TAFA1: variants seen among roughly 807,000 people sequenced by gnomAD.
The protein encoded by TAFA1 is chemokine-like protein TAFA-1.
Under a neutral mutation model 18.5 loss-of-function variants are expected in TAFA1, and 4 were observed. That is an observed-to-expected ratio of 0.22 (90% CI 0.11 to 0.49). The LOEUF (loss-of-function observed/expected upper bound fraction) is 0.49. Among genes scored for constraint, TAFA1 ranks in the 20% least tolerant of loss-of-function variants. The pLI is 0.98. For missense variants in TAFA1, 147 were observed against 169.0 expected (o/e 0.87, Z 0.72); for synonymous variants, 56 against 55.2 (o/e 1.01, Z -0.06).
At chr3:68,120,370 C>A (rs148809631) in intron 2 of TAFA1, among the ~76,000 whole-genome samples, 1 of 152,044 alleles carries the variant, frequency 6.6e-6, no homozygotes, top group Non-Finnish European at 1.5e-5. Context: ...ATGCCTCAGC[C>A]TCCAGGTAGT....
chr3:68,370,280 C>G (rs1477889605), intron 2 of TAFA1, among the ~76,000 whole-genome samples: 1 of 44,498 alleles, frequency 2.2e-5, no homozygotes, highest in Non-Finnish European at 3.7e-5. Flanking sequence ...AAGGGAGACC[C>G]CATCTCAAAA....
chr3:68,190,019 A>G (rs192784430), intron 2 of TAFA1, among the ~76,000 whole-genome samples: 1 of 152,046 alleles, frequency 6.6e-6, no homozygotes, highest in East Asian at 1.9e-4. Flanking sequence ...ATATCAAGCT[A>G]CTGTGGTTGA....
intron 2 of TAFA1, among the ~76,000 whole-genome samples, chr3:68,341,000 T>G (rs2069072952): frequency 6.6e-6 from 1 of 152,150 alleles, no homozygotes; most frequent in Non-Finnish European, 1.5e-5. Flanking sequence ...GGTAAGATGT[T>G]GATGTCTAAA....
chr3:68,197,512 G>A (rs930871814), intron 2 of TAFA1, among the ~76,000 whole-genome samples: 3 of 151,472 alleles, frequency 2.0e-5, no homozygotes, highest in Admixed American at 6.6e-5. Context: ...TCAGGACCAC[G>A]GTGGCTTTAT....
At chr3:68,497,564 G>A (rs2106696767) in intron 3 of TAFA1, among the ~76,000 whole-genome samples, 1 of 152,212 alleles carries the variant, frequency 6.6e-6, no homozygotes, top group Middle Eastern at 3.4e-3. Context: ...AGAAGAATCA[G>A]CCTGAGCAAA....
At chr3:68,100,007 G>A (rs1352711817) in intron 2 of TAFA1, among the ~76,000 whole-genome samples, 1 of 152,054 alleles carries the variant, frequency 6.6e-6, no homozygotes, top group Non-Finnish European at 1.5e-5. Context: ...GAAAGGGGAG[G>A]GAGGGAGAGG....
intron 2 of TAFA1, among the ~76,000 whole-genome samples, chr3:68,402,013 G>A (rs2070503244): frequency 6.6e-6 from 1 of 152,134 alleles, no homozygotes; most frequent in Non-Finnish European, 1.5e-5. Flanking sequence ...TTTTAAAAGT[G>A]TTTCTTATTA....
At chr3:68,113,158 T>A (rs1457168454) in intron 2 of TAFA1, among the ~76,000 whole-genome samples, 1 of 152,190 alleles carries the variant, frequency 6.6e-6, no homozygotes, top group Non-Finnish European at 1.5e-5. Context: ...TCGCACCAGA[T>A]CCCAAGATTT....
At chr3:68,135,558 C>T (rs1014674953) in intron 2 of TAFA1, among the ~76,000 whole-genome samples, 1 of 152,230 alleles carries the variant, frequency 6.6e-6, no homozygotes, top group African/African-American at 2.4e-5. Context: ...CTCCAAGCCT[C>T]TATTTTCTTG....
intron 2 of TAFA1, among the ~76,000 whole-genome samples, chr3:68,009,481 TA>T (rs1315986870): frequency 6.6e-6 from 1 of 152,200 alleles, no homozygotes; most frequent in Non-Finnish European, 1.5e-5. Context: ...GTGCGTCAAA[TA>T]CCCCAAGAAA....
chr3:68,241,087 C>G (rs2066992054), intron 2 of TAFA1, among the ~76,000 whole-genome samples: 1 of 152,040 alleles, frequency 6.6e-6, no homozygotes, highest in Non-Finnish European at 1.5e-5. Flanking sequence ...CCTATTTAAA[C>G]TAAAGAATGA....
At chr3:68,215,716 A>C (rs73095494) in intron 2 of TAFA1, among the ~76,000 whole-genome samples, 21,342 of 152,044 alleles carry the variant, frequency 0.14, 1,645 homozygotes, top group Admixed American at 0.22. Context: ...GATGGAAATA[A>C]AGAATGGTAT....
intron 2 of TAFA1, among the ~76,000 whole-genome samples, chr3:68,385,459 A>G (rs1231051183): frequency 6.6e-6 from 1 of 152,104 alleles, no homozygotes; most frequent in Non-Finnish European, 1.5e-5. Flanking sequence ...CTTGGTTTTC[A>G]TCGTATTAGC....
In TAFA1 at chr3:68,031,937, C is replaced by A. The variant is rs756948832; in HGVS notation, c.118+25193C>A. On this transcript the variant is annotated intron_variant, in intron 2 of 4. Transcript: ENST00000478136. ...TTTAATAGTTAATCTGTAAATTATACGGATTTGAATCTTCTTATAGTTTTT... is the reference window on the plus strand; with the variant it reads ...TTTAATAGTTAATCTGTAAATTATAAGGATTTGAATCTTCTTATAGTTTTT... Among the ~76,000 whole-genome samples the A allele has an allele frequency of 3.3e-5, 5 of 152,096 alleles. 1 individual carries two copies. The highest frequency in any genetic ancestry group is 7.4e-5 in the Non-Finnish European group (5 of 68,004).
At chr3:68,387,785 T>A (rs919825094) in intron 2 of TAFA1, among the ~76,000 whole-genome samples, 2 of 152,160 alleles carry the variant, frequency 1.3e-5, no homozygotes, top group African/African-American at 4.8e-5. Context: ...AAAACTGTTT[T>A]TCCCCCTTCA....
At position 68,074,373 on chromosome 3, in the gene TAFA1, C is replaced by G. The variant is rs545647278; in HGVS notation, c.118+67629C>G. On this transcript the variant is annotated intron_variant, in intron 2 of 4. Coordinates refer to ENST00000478136, the MANE Select transcript of TAFA1 (RefSeq NM_213609.4). ...GTGGTCTGGGGATTGGGAACCCCTG[C>G]CTTAGAGGCTGTATAGAAGCTTAAC... Among the ~76,000 whole-genome samples, 546 of 152,228 alleles carry G rather than the reference C, an allele frequency of 3.6e-3. 1 individual carries two copies. The highest frequency in any genetic ancestry group is 0.012 in the African/African-American group (500 of 41,548).
chr3:68,478,959 G>A, intron 3 of TAFA1, among the ~76,000 whole-genome samples: 1 of 149,802 alleles, frequency 6.7e-6, no homozygotes, highest in East Asian at 2.0e-4. Context: ...TGTAGGCCAG[G>A]CGCAGTGGCT....
intron 2 of TAFA1, among the ~76,000 whole-genome samples, chr3:68,197,514 T>G (rs902010626): frequency 6.6e-6 from 1 of 151,608 alleles, no homozygotes; most frequent in Non-Finnish European, 1.5e-5. Context: ...AGGACCACGG[T>G]GGCTTTATTC....
intron 2 of TAFA1, among the ~76,000 whole-genome samples, chr3:68,013,632 G>A (rs1704514715): frequency 6.6e-6 from 1 of 152,108 alleles, no homozygotes; most frequent in Non-Finnish European, 1.5e-5. Flanking sequence ...CTTTGCCTTT[G>A]TAGCAGAGAG....
Sources: allele counts gnomAD v4.1 joint callset (sites outside exome capture counted in the v4.1 genomes callset), GRCh38; gene constraint gnomAD v4.1.1; transcripts MANE v1.5; gene names NCBI Gene and HGNC (gene_info 2026-07-23, HGNC 2026-07-21).